Variants in ESF1 observed in about 807,000 individuals in gnomAD.
The protein encoded by ESF1 is ESF1 homolog.
Under a neutral mutation model 92.0 loss-of-function variants are expected in ESF1, and 58 were observed. The observed-to-expected ratio is 0.63, with a 90% CI of 0.51 to 0.78. The LOEUF is 0.78. Ranked by LOEUF, ESF1 falls within the 30% of genes least tolerant of loss-of-function variation. The pLI, the probability that ESF1 is intolerant of heterozygous loss-of-function variation, is 0.00. For missense variants in ESF1, 922 were observed against 989.1 expected (o/e 0.93, Z 0.91); for synonymous variants, 321 against 313.7 (o/e 1.02, Z -0.24).
chr20:13,769,956 G>A lies in ESF1; in HGVS notation c.1469C>T (p.Thr490Ile). Residue 490 changes from threonine to isoleucine, a missense_variant, in exon 7 of 14, where the codon ACA (threonine) becomes ATA (isoleucine). Transcript: ENST00000617257. Reference protein sequence around the residue: ...PKDVASEVNLTAYKPKYFTSA... With the variant: ...PKDVASEVNLIAYKPKYFTSA... ...AGTGAAATATTTTGGTTTATATGCT[G>A]TTAAATTCACTTCTGAGGCTACATC... 1 of 1,612,420 alleles carries A rather than the reference G, an allele frequency of 6.2e-7. No homozygotes were observed. Among genetic ancestry groups the A allele is most frequent in the South Asian group, 1.1e-5 (1 of 90,862 alleles).
intron 9 of ESF1, among the ~76,000 whole-genome samples, chr20:13,752,107 G>T (rs952636085): frequency 4.6e-5 from 7 of 152,124 alleles, no homozygotes; most frequent in African/African-American, 1.7e-4. Context: ...GCAATCACAT[G>T]GAGGAAATGT....
intron 11 of ESF1, among the ~76,000 whole-genome samples, chr20:13,726,858 CAAAACAA>C (rs1392515844): frequency 4.0e-5 from 6 of 151,592 alleles, no homozygotes; most frequent in Non-Finnish European, 8.8e-5. Flanking sequence ...CAAAACAAAA[CAAAACAA>C]AACCCACTGC....
chr20:13,760,269 G>A (rs1979105616), intron 8 of ESF1, among the ~76,000 whole-genome samples: 7 of 150,292 alleles, frequency 4.7e-5, no homozygotes, highest in Admixed American at 4.6e-4. Flanking sequence ...TGGAAAGTGA[G>A]GAGCGTCTCT....
intron 9 of ESF1, among the ~76,000 whole-genome samples, chr20:13,750,743 C>A (rs1350829688): frequency 6.6e-6 from 1 of 152,136 alleles, no homozygotes; most frequent in African/African-American, 2.4e-5. Context: ...CTTTGGGAGG[C>A]CAAGGAGGGA....
intron 1 of ESF1, among the ~76,000 whole-genome samples, chr20:13,784,010 G>A (rs1229835566): frequency 6.6e-6 from 1 of 152,058 alleles, no homozygotes; most frequent in African/African-American, 2.4e-5. Flanking sequence ...TTTTAAATTC[G>A]ATCATCCTTC....
chr20:13,750,931 T>C (rs1490793867), intron 9 of ESF1, among the ~76,000 whole-genome samples: 1 of 152,170 alleles, frequency 6.6e-6, no homozygotes, highest in African/African-American at 2.4e-5. Flanking sequence ...ATCGAACCAC[T>C]GCATTTCAGC....
At chr20:13,748,565 TGTGTGTGTGTATATATATATATATA>T (rs1978423916) in intron 9 of ESF1, among the ~76,000 whole-genome samples, 6 of 10,806 alleles carry the variant, frequency 5.6e-4, no homozygotes, top group Non-Finnish European at 9.1e-4. Context: ...TATATATATA[TGTGTGTGTGTATATATATATATATA>T]TATTTTTTTT....
At chr20:13,775,736 A>G in intron 3 of ESF1, 137 bp downstream of exon 3, 2 of 975,072 alleles carry the variant, frequency 2.1e-6, no homozygotes, top group Non-Finnish European at 1.4e-6. Flanking sequence ...ATTATATTCC[A>G]TATCAAATTT....
chr20:13,767,440 G>T (rs1979482901), intron 7 of ESF1, among the ~76,000 whole-genome samples: 1 of 151,744 alleles, frequency 6.6e-6, no homozygotes, highest in African/African-American at 2.4e-5. Flanking sequence ...AGAATCAGGA[G>T]GCCTGTAATC....
At chr20:13,738,954 T>C (rs1220579222) in intron 9 of ESF1, among the ~76,000 whole-genome samples, 1 of 152,150 alleles carries the variant, frequency 6.6e-6, no homozygotes, top group Non-Finnish European at 1.5e-5. Flanking sequence ...TGAACAATAG[T>C]AAATAGCAAA....
chr20:13,722,986 T>C lies in ESF1; in HGVS notation c.2039-4002A>G, dbSNP rs988617008. On this transcript the variant is annotated intron_variant, in intron 11 of 13. Transcript: ENST00000617257. ...TTAGAGTTTTACAGTTAAATAAATC[T>C]AACCAATCCTTACTGAGGCTAGAAT... Among the ~76,000 whole-genome samples the C allele has an allele frequency of 3.9e-5, 6 of 152,180 alleles. No homozygotes were observed. The South Asian group carries it at 1.2e-3, about 32-fold the overall frequency.
At chr20:13,729,917 G>C (rs538260663) in intron 10 of ESF1, among the ~76,000 whole-genome samples, 1 of 152,144 alleles carries the variant, frequency 6.6e-6, no homozygotes. Context: ...AGGCTAACCA[G>C]ACTGAATTTA....
chr20:13,733,545 T>C (rs2049957110), intron 10 of ESF1, among the ~76,000 whole-genome samples, 176 bp downstream of exon 10: 1 of 152,210 alleles, frequency 6.6e-6, no homozygotes, highest in Non-Finnish European at 1.5e-5. Context: ...CACCATTATG[T>C]GGCCATGATG....
chr20:13,772,320 T>C (rs1316989851), intron 5 of ESF1, among the ~76,000 whole-genome samples, 195 bp downstream of exon 5: 1 of 152,060 alleles, frequency 6.6e-6, no homozygotes, highest in Non-Finnish European at 1.5e-5. Context: ...AATACAGAAA[T>C]AGAAATATAC....
At chr20:13,758,345 A>G (rs542011847) in intron 9 of ESF1, among the ~76,000 whole-genome samples, 1 of 152,378 alleles carries the variant, frequency 6.6e-6, no homozygotes, top group Admixed American at 6.5e-5. Context: ...ATGATACACC[A>G]GTAAACTTCA....
chr20:13,768,897 C>CA (rs574502122), intron 7 of ESF1, among the ~76,000 whole-genome samples: 14,040 of 58,302 alleles, frequency 0.24, 1,279 homozygotes, highest in South Asian at 0.38. Context: ...ACTCTAGTCT[C>CA]AAAAAAAAAA....
At chr20:13,723,157 G>A (rs2049879281) in intron 11 of ESF1, among the ~76,000 whole-genome samples, 1 of 152,182 alleles carries the variant, frequency 6.6e-6, no homozygotes, top group Non-Finnish European at 1.5e-5. Context: ...AGAGGGTTTA[G>A]TTGAGCAATT....
At chr20:13,753,503 CTGA>C (rs762139884) in intron 9 of ESF1, among the ~76,000 whole-genome samples, 89 of 151,162 alleles carry the variant, frequency 5.9e-4, no homozygotes, top group Non-Finnish European at 1.1e-3. Context: ...CTTCCAGAAC[CTGA>C]TGTAGATATC....
chr20:13,723,590 T>A (rs1353381519), intron 11 of ESF1, among the ~76,000 whole-genome samples: 1 of 151,332 alleles, frequency 6.6e-6, no homozygotes, highest in African/African-American at 2.4e-5. Context: ...GAAGAAAAAA[T>A]TATAAAAGAT....
Sources: gnomAD v4.1 joint callset for allele counts (sites outside exome capture counted in the v4.1 genomes callset) on GRCh38, gnomAD v4.1.1 for gene constraint, MANE v1.5 for transcripts, NCBI Gene and HGNC (gene_info 2026-07-23, HGNC 2026-07-21) for gene names.